The following NEK9 variants were observed in gnomAD, a reference collection of about 807,000 sequenced individuals.
NEK9 encodes NIMA related kinase 9.
In NEK9, 75 loss-of-function variants were observed where a neutral mutation model predicts 123.4. The observed-to-expected ratio is 0.61, with a 90% CI of 0.50 to 0.74. The LOEUF is 0.74. Ranked by LOEUF, NEK9 falls within the 30% of genes least tolerant of loss-of-function variation. The pLI, the probability that NEK9 is intolerant of heterozygous loss-of-function variation, is 0.00. For synonymous variants in NEK9, 438 were observed against 458.7 expected, an observed-to-expected ratio of 0.95 and a Z score of 0.58; for missense variants, 952 against 1,214.4, an observed-to-expected ratio of 0.78 and a Z score of 3.21.
Position 75,106,666 on chromosome 14 carries a change from T to A in NEK9, c.1364A>T (p.Tyr455Phe). 1 of 1,613,992 alleles carries A rather than the reference T, an allele frequency of 6.2e-7. No individual in the cohort carries two copies. The highest frequency in any genetic ancestry group is 1.1e-5 in the South Asian group (1 of 91,084). The change falls in exon 12 of 22, where the codon TAT becomes TTT. Residue 455 changes from tyrosine to phenylalanine, a missense_variant. Coordinates refer to ENST00000238616, the MANE Select transcript of NEK9 (RefSeq NM_033116.6). Reference protein sequence around the residue: ...GQLYAFGSDYYGCMGVDKVAG... With the variant: ...GQLYAFGSDYFGCMGVDKVAG... ...AACTTTGTCCACCCCCATGCAGCCA[T>A]AATAATCTGATCCGAAGGCATAGAG...
At chr14:75,122,561 G>A (rs886844131) in intron 2 of NEK9, among the ~76,000 whole-genome samples, 3 of 151,934 alleles carry the variant, frequency 2.0e-5, no homozygotes, top group African/African-American at 7.3e-5. Context: ...CCAGGCTGCA[G>A]TGGCATGATC....
At chr14:75,096,215 T>TGCAGTGAGCTGAGATC (rs1475243170) in intron 17 of NEK9, among the ~76,000 whole-genome samples, 1 of 136,048 alleles carries the variant, frequency 7.4e-6, no homozygotes. Context: ...CCTGGGAGGA[T>TGCAGTGAGCTGAGATC]GCAGTGAGCT....
intron 1 of NEK9, 103 bp from the exon 2 acceptor site, chr14:75,124,326 C>A: frequency 1.1e-6 from 1 of 900,796 alleles, no homozygotes; most frequent in Admixed American, 2.6e-5. Context: ...TAGAGGGGCA[C>A]AGACTGACTC....
At chr14:75,122,191 A>C (rs1249791820) in intron 2 of NEK9, among the ~76,000 whole-genome samples, 2 of 151,782 alleles carry the variant, frequency 1.3e-5, no homozygotes, top group African/African-American at 2.4e-5. Context: ...ACTCAGTTTC[A>C]ATAAATGTAT....
rs780549457 is a variant in NEK9, at chr14:75,109,730, G to T, written c.1137C>A (p.Thr379=). ...CSARQVCAGN[T]HFAVVTVEKE... The stretch of plus-strand genomic sequence containing the variant: ...TCTCCACTGTGACCACAGCAAAGTG[G>T]GTATTCCCTGCACAGACCTGCCGGG... Residue 379 remains threonine (T), a synonymous_variant, in exon 10 of 22, where the codon ACC becomes ACA. Transcript: ENST00000238616. 2.0e-5 allele frequency: 32 copies of T among 1,613,972 alleles called. No homozygotes were observed. The South Asian group carries it at 3.4e-4, about 17-fold the overall frequency.
At chr14:75,109,575 A>C (rs940488592) in intron 10 of NEK9, 110 bp downstream of exon 10, 1 of 944,508 alleles carries the variant, frequency 1.1e-6, no homozygotes, top group Admixed American at 2.6e-5. Context: ...CCATCACCCC[A>C]TGTTGCCACT....
At chr14:75,091,502 TAGAC>T in intron 18 of NEK9, 24 bp from the exon 19 acceptor site, 1 of 1,519,142 alleles carries the variant, frequency 6.6e-7, no homozygotes, top group Non-Finnish European at 8.8e-7. Context: ...AGCACAGAAA[TAGAC>T]AGCTTTGCTA....
At chr14:75,103,365 T>G (rs1041027285) in intron 14 of NEK9, among the ~76,000 whole-genome samples, 5 of 146,980 alleles carry the variant, frequency 3.4e-5, no homozygotes, top group African/African-American at 1.3e-4. Context: ...TGGAAATATG[T>G]TTTTTTTTAT....
At chr14:75,109,319 C>T (rs544305048) in intron 10 of NEK9, among the ~76,000 whole-genome samples, 120 of 152,292 alleles carry the variant, frequency 7.9e-4, no homozygotes, top group Non-Finnish European at 1.4e-3. Context: ...CCTTTGTTTA[C>T]AAAGCTATTT....
At position 75,118,936 on chromosome 14, in the gene NEK9, C is replaced by G. The variant is rs748847387; in HGVS notation, c.525-1G>C. 6.9e-7 allele frequency: 1 copy of G among 1,450,868 alleles called. No homozygotes were observed. Among genetic ancestry groups the G allele is most frequent in the Non-Finnish European group, 9.6e-7 (1 of 1,037,106 alleles). 89.9% of individuals were successfully genotyped at this position (1,450,868 alleles called of 1,614,324 possible). A position where few individuals can be genotyped will look rare whatever the true frequency, so the allele number is the denominator to read the frequency against. Reference sequence around the variant, plus strand: ...AAAAATATTTAATGTCTTTATATCTCTGAAAAAAAAAGATGCTGCAAATTA... The same window carrying G: ...AAAAATATTTAATGTCTTTATATCTGTGAAAAAAAAAGATGCTGCAAATTA... On this transcript the variant is annotated splice_acceptor_variant, in intron 4 of 21. Transcript: ENST00000238616. LOFTEE classifies it high-confidence loss of function.
intron 14 of NEK9, among the ~76,000 whole-genome samples, chr14:75,102,619 C>T (rs187668773): frequency 4.6e-5 from 7 of 152,038 alleles, no homozygotes; most frequent in African/African-American, 7.2e-5. Flanking sequence ...CCCAAAGTTC[C>T]GGGATTACAG....
At position 75,109,817 on chromosome 14, in the gene NEK9, A is replaced by G. The variant is rs8005071; in HGVS notation, c.1050T>C (p.Tyr350=). The G allele has an allele frequency of 5.0e-3, 8,146 of 1,614,108 alleles. 382 individuals carry two copies. In the African/African-American group the frequency reaches 0.097, roughly 19 times the overall value. Residue 350 remains tyrosine (Y), a synonymous_variant, in exon 10 of 22, where the codon TAT becomes TAC. Coordinates refer to ENST00000238616, the MANE Select transcript of NEK9 (RefSeq NM_033116.6). ...GGGTGGATTTTCCACCACCCCAAAC[A>G]TAGACTTCACTGGTTCGTGATGTTA... is the stretch of plus-strand genomic sequence containing the variant. ...AVVTSRTSEV[Y]VWGGGKSTPQ...
At chr14:75,107,318 A>G (rs1894811449) in intron 11 of NEK9, 25 bp downstream of exon 11, 1 of 1,607,494 alleles carries the variant, frequency 6.2e-7, no homozygotes, top group African/African-American at 1.3e-5. Context: ...AAATGCACTT[A>G]AGACACTTTC....
intron 18 of NEK9, among the ~76,000 whole-genome samples, chr14:75,094,574 T>G (rs577569624): frequency 3.6e-4 from 55 of 152,158 alleles, no homozygotes; most frequent in African/African-American, 1.3e-3. Context: ...GGTGGGCAGA[T>G]CACTTGAGGC....
intron 10 of NEK9, 25 bp from the exon 11 acceptor site, chr14:75,107,512 CTTT>C (rs752058522): frequency 7.0e-7 from 1 of 1,422,500 alleles, no homozygotes; most frequent in African/African-American, 1.5e-5. Flanking sequence ...GGTCTTATGA[CTTT>C]TTTTTTTAAT....
In NEK9 at chr14:75,079,370, T is replaced by C. The variant is rs1394321215; in HGVS notation, c.*5194A>G. 6.6e-6 allele frequency: 1 copy of C among 152,190 alleles called. No individual in the cohort carries two copies. Among genetic ancestry groups the C allele is most frequent in the Non-Finnish European group, 1.5e-5 (1 of 68,038 alleles). 9.4% of individuals were successfully genotyped at this position (152,190 alleles called of 1,614,324 possible). On this transcript the variant is annotated 3_prime_UTR_variant, in exon 22 of 22. Coordinates refer to ENST00000238616, the MANE Select transcript of NEK9 (RefSeq NM_033116.6). ...AGCACACATTTCTTTGCACTCTTTT[T>C]AATTGTTCCAAAGGAAAGGAGGTAT...
intron 10 of NEK9, among the ~76,000 whole-genome samples, chr14:75,109,152 G>A (rs974663295): frequency 6.6e-6 from 1 of 152,162 alleles, no homozygotes; most frequent in African/African-American, 2.4e-5. Context: ...AAGAGAGAGT[G>A]GGAGATAAGG....
chr14:75,097,231 C>A lies in NEK9; in HGVS notation c.2042G>T (p.Arg681Leu), dbSNP rs142859694. Residue 681 changes from arginine (R) to leucine (L), a missense_variant, in exon 17 of 22, where the codon CGC (arginine) becomes CTC (leucine). Arg to Leu is a moderately radical substitution (Grantham distance 102, BLOSUM62 -2). Coordinates refer to ENST00000238616, the MANE Select transcript of NEK9 (RefSeq NM_033116.6). ...IFAWGNGGNG[R>L]LAMTPTERPH... ...TCTCTCTGTGGGGGTCATTGCCAGG[C>A]GGCCATTACCACCATTGCCCCAGGC... 2 of 1,608,850 alleles carry A rather than the reference C, an allele frequency of 1.2e-6. No homozygotes were observed. The highest frequency in any genetic ancestry group is 1.7e-5 in the Admixed American group (1 of 59,174).
rs1894673754 is a variant in NEK9 at position 75,103,865 on chromosome 14, T to C, written c.1708A>G (p.Met570Val). 6.2e-7 allele frequency: 1 copy of C among 1,613,428 alleles called. No individual in the cohort carries two copies. Residue 570 changes from methionine (M) to valine (V), a missense_variant, in exon 14 of 22, where the codon ATG becomes GTG. Met to Val is a conservative substitution (Grantham distance 21). Coordinates refer to ENST00000238616, the MANE Select transcript of NEK9 (RefSeq NM_033116.6). ...EFNKLGLNQC[M>V]SGIINHEAYH... ...ACTTCATGGTTGATAATTCCCGACA[T>C]GCACTGATTCAGACCCAGCTTATTG...
Sources: gnomAD v4.1 joint callset for allele counts (sites outside exome capture counted in the v4.1 genomes callset) on GRCh38, gnomAD v4.1.1 for gene constraint, MANE v1.5 for transcripts, NCBI Gene and HGNC (gene_info 2026-07-23, HGNC 2026-07-21) for gene names.